TSPAN15: variants seen among roughly 807,000 people sequenced by gnomAD.
TSPAN15 encodes tetraspanin 15.
TSPAN15 carries 20 observed loss-of-function variants against 34.5 expected under a neutral mutation model. The observed-to-expected ratio is 0.58, with a 90% CI of 0.41 to 0.84. The LOEUF (loss-of-function observed/expected upper bound fraction) is 0.84, where lower values mean the gene tolerates loss of function less well. Ranked by LOEUF, TSPAN15 falls within the 40% of genes least tolerant of loss-of-function variation. The pLI, the probability that TSPAN15 is intolerant of heterozygous loss-of-function variation, is 0.00. For synonymous variants in TSPAN15, 155 were observed against 153.9 expected, an observed-to-expected ratio of 1.01 and a Z score of -0.05; for missense variants, 313 against 386.1, an observed-to-expected ratio of 0.81 and a Z score of 1.59.
chr10:69,509,353 G>A (rs986465879), downstream of TSPAN15, among the ~76,000 whole-genome samples: 6 of 152,074 alleles, frequency 3.9e-5, no homozygotes, highest in Non-Finnish European at 8.8e-5. Flanking sequence ...CACCTCTAAA[G>A]AAATGGAAGC....
Position 69,483,877 on chromosome 10 carries a change from G to C in TSPAN15, c.282+1G>C. 1 of 1,612,696 alleles carries C rather than the reference G, an allele frequency of 6.2e-7. No homozygotes were observed. Among genetic ancestry groups the C allele is most frequent in the Non-Finnish European group, 8.5e-7 (1 of 1,179,462 alleles). The stretch of plus-strand genomic sequence containing the variant: ...TGACAACCTGTACCTTCTCCAAGCA[G>C]TGAGTGGACCACACCACCCCTCAGC... On this transcript the variant is annotated splice_donor_variant, in intron 2 of 7. Coordinates refer to ENST00000373290, the MANE Select transcript of TSPAN15 (RefSeq NM_012339.5). LOFTEE classifies it high-confidence loss of function.
At chr10:69,483,035 C>G (rs1473303441) in intron 1 of TSPAN15, among the ~76,000 whole-genome samples, 1 of 152,042 alleles carries the variant, frequency 6.6e-6, no homozygotes, top group East Asian at 1.9e-4. Flanking sequence ...GTTGCCCAGG[C>G]TGGAGTGCAG....
At chr10:69,511,465 C>T (rs970771317), downstream of TSPAN15, among the ~76,000 whole-genome samples, 1 of 149,398 alleles carries the variant, frequency 6.7e-6, no homozygotes, top group Non-Finnish European at 1.5e-5. Context: ...ATTCTTTTCT[C>T]TTTTCTTCTT....
chr10:69,544,379 C>G, the TSPAN15 span, among the ~76,000 whole-genome samples: 2 of 152,192 alleles, frequency 1.3e-5, no homozygotes, highest in Non-Finnish European at 2.9e-5. Context: ...GCCTTGGGCT[C>G]TCTGGGGTGG....
rs765627962 is a variant in TSPAN15, at chr10:69,507,521, C to T, written c.*543C>T. 2.0e-4 allele frequency: 265 copies of T among 1,304,048 alleles called. No homozygotes were observed. The highest frequency in any genetic ancestry group is 2.5e-4 in the Non-Finnish European group (252 of 989,046). 80.8% of individuals were successfully genotyped at this position (1,304,048 alleles called of 1,614,324 possible). On this transcript the variant is annotated 3_prime_UTR_variant, in exon 8 of 8. Coordinates refer to ENST00000373290, the MANE Select transcript of TSPAN15 (RefSeq NM_012339.5). Reference sequence around the variant, plus strand: ...TGCTTCCTTGAGCCTAGTTTTTTTACGTGATTTTTGTAACATTCATTTTTT... The same window carrying T: ...TGCTTCCTTGAGCCTAGTTTTTTTATGTGATTTTTGTAACATTCATTTTTT...
At chr10:69,484,335 T>C (rs1464223430) in intron 2 of TSPAN15, among the ~76,000 whole-genome samples, 2 of 152,204 alleles carry the variant, frequency 1.3e-5, no homozygotes, top group Non-Finnish European at 2.9e-5. Flanking sequence ...AAAGTCCTTA[T>C]GGTTCTAGAT....
intron 1 of TSPAN15, among the ~76,000 whole-genome samples, chr10:69,477,271 A>T (rs1319323239): frequency 6.6e-6 from 1 of 152,068 alleles, no homozygotes. Context: ...AGTAGCTGGG[A>T]CTACAGGTGC....
the TSPAN15 span, among the ~76,000 whole-genome samples, chr10:69,538,702 A>G: frequency 6.6e-6 from 1 of 152,174 alleles, no homozygotes; most frequent in East Asian, 1.9e-4. Flanking sequence ...GCATGAAGGG[A>G]ATTCTGGTTT....
rs552059734 is a variant in TSPAN15 at position 69,456,769 on chromosome 10, C to T, written c.96+5079C>T. On this transcript the variant is annotated intron_variant, in intron 1 of 7. Transcript: ENST00000373290. ...CGCTCCTTGATGCAATCGGAGGGGT[C>T]GAAAGGGCATTGAACGAGGAAAGCT... 2.4e-4 allele frequency among the ~76,000 whole-genome samples: 36 copies of T among 152,244 alleles called. No individual in the cohort carries two copies. The East Asian group carries it at 5.8e-3, about 24-fold the overall frequency.
intron 3 of TSPAN15, among the ~76,000 whole-genome samples, chr10:69,488,586 AAGAG>A (rs1213060836): frequency 1.3e-5 from 2 of 152,194 alleles, no homozygotes; most frequent in African/African-American, 4.8e-5. Flanking sequence ...CTGAGAAATA[AAGAG>A]AAAGAGTACA....
chr10:69,525,148 C>T, the TSPAN15 span, among the ~76,000 whole-genome samples: 1 of 147,040 alleles, frequency 6.8e-6, no homozygotes, highest in Non-Finnish European at 1.5e-5. Context: ...GAAGTCCTGG[C>T]CTCAAGTGAT....
At chr10:69,514,875 G>A in the TSPAN15 span, among the ~76,000 whole-genome samples, 3 of 151,954 alleles carry the variant, frequency 2.0e-5, no homozygotes, top group East Asian at 1.9e-4. Context: ...TCTCCTCTCC[G>A]GCCCCTGCCC....
the TSPAN15 span, among the ~76,000 whole-genome samples, chr10:69,538,859 G>C: frequency 6.6e-6 from 1 of 152,228 alleles, no homozygotes; most frequent in East Asian, 1.9e-4. Flanking sequence ...AACTTACCCT[G>C]CAGTAGTGTG....
Position 69,507,498 on chromosome 10 carries a change from C to A in TSPAN15, c.*520C>A. ...TTGAGCCCTCTTGCAAGGGCGGCTG[C>A]TTCCTTGAGCCTAGTTTTTTTACGT... On this transcript the variant is annotated 3_prime_UTR_variant, in exon 8 of 8. Coordinates refer to ENST00000373290, the MANE Select transcript of TSPAN15 (RefSeq NM_012339.5). The A allele has an allele frequency of 7.7e-7, 1 of 1,304,402 alleles. No homozygotes were observed. Among genetic ancestry groups the A allele is most frequent in the Non-Finnish European group, 1.0e-6 (1 of 989,286 alleles). The allele number at this position is 1,304,402 out of a possible 1,614,324, so 80.8% of individuals were successfully genotyped here. A position where few individuals can be genotyped will look rare whatever the true frequency, so the allele number is the denominator to read the frequency against.
the TSPAN15 span, among the ~76,000 whole-genome samples, chr10:69,530,779 ACT>A: frequency 6.6e-3 from 327 of 49,920 alleles, 2 homozygotes; most frequent in South Asian, 0.01. Flanking sequence ...ACAGAGTGAG[ACT>A]CTCTCTCTCT....
chr10:69,526,761 T>C, the TSPAN15 span, among the ~76,000 whole-genome samples: 1 of 112,008 alleles, frequency 8.9e-6, no homozygotes, highest in Admixed American at 1.3e-4. Flanking sequence ...CTGTACCACC[T>C]GGGTGACAGA....
At chr10:69,473,599 A>G (rs1589632971) in intron 1 of TSPAN15, among the ~76,000 whole-genome samples, 1 of 152,110 alleles carries the variant, frequency 6.6e-6, no homozygotes, top group African/African-American at 2.4e-5. Context: ...GGAGCAGTAG[A>G]GCAACCCTTG....
the TSPAN15 span, among the ~76,000 whole-genome samples, chr10:69,541,268 C>G: frequency 6.6e-6 from 1 of 151,996 alleles, no homozygotes; most frequent in Non-Finnish European, 1.5e-5. Context: ...GAGGGCAGAC[C>G]AAGAGAGGCC....
chr10:69,455,609 T>TTTCTTTCTTTCTTTCTTC (rs1841081485), intron 1 of TSPAN15, among the ~76,000 whole-genome samples: 1 of 101,344 alleles, frequency 9.9e-6, no homozygotes, highest in African/African-American at 4.1e-5. Flanking sequence ...TCTTTCTTTC[T>TTTCTTTCTTTCTTTCTTC]CTCTCTCTCT....
Sources: allele counts gnomAD v4.1 joint callset (sites outside exome capture counted in the v4.1 genomes callset), GRCh38; gene constraint gnomAD v4.1.1; transcripts MANE v1.5; gene names NCBI Gene and HGNC (gene_info 2026-07-23, HGNC 2026-07-21).